Variants in ECRG4 observed in about 807,000 individuals in gnomAD.
The protein encoded by ECRG4 is augurin.
A neutral mutation model predicts 15.8 loss-of-function variants in ECRG4; 18 were observed. The ratio of observed to expected loss-of-function variants is 1.14; its 90% CI spans 0.79 to 1.69. ECRG4 has a LOEUF of 1.69. Among genes scored for constraint, ECRG4 ranks in the 40% most tolerant of loss-of-function variants. The pLI is 0.00. For synonymous variants in ECRG4, 82 were observed against 73.9 expected (o/e 1.11, Z -0.56); for missense variants, 200 against 190.9 (o/e 1.05, Z -0.28).
At chr2:106,075,701 A>G (rs10183310) in intron 3 of ECRG4, among the ~76,000 whole-genome samples, 3,685 of 152,100 alleles carry the variant, frequency 0.024, 160 homozygotes, top group African/African-American at 0.082. Flanking sequence ...CAGCCTGGGC[A>G]ACAGAATGAG....
chr2:106,069,211 T>G (rs1051864186), intron 1 of ECRG4, among the ~76,000 whole-genome samples: 1 of 146,046 alleles, frequency 6.8e-6, no homozygotes. Flanking sequence ...TTTTTTATTT[T>G]CTTTTCTTTC....
intron 1 of ECRG4, among the ~76,000 whole-genome samples, chr2:106,067,064 G>GGA (rs1553411470): frequency 0.051 from 2,203 of 43,578 alleles, 382 homozygotes; most frequent in East Asian, 0.25. Context: ...GAGGCCGGGG[G>GGA]GGGGGGGGGG....
chr2:106,069,317 C>T (rs1676307871), intron 1 of ECRG4, among the ~76,000 whole-genome samples: 2 of 132,592 alleles, frequency 1.5e-5, no homozygotes, highest in Admixed American at 1.6e-4. Context: ...TTCCTTCTTT[C>T]TTTCTCTCTC....
At chr2:106,072,833 C>A (rs901057151) in intron 2 of ECRG4, among the ~76,000 whole-genome samples, 2 of 152,218 alleles carry the variant, frequency 1.3e-5, no homozygotes, top group African/African-American at 2.4e-5. Context: ...CTCACGGATG[C>A]CCAGGGATCA....
At chr2:106,073,254 C>T (rs555932583) in intron 2 of ECRG4, among the ~76,000 whole-genome samples, 2 of 152,280 alleles carry the variant, frequency 1.3e-5, no homozygotes, top group South Asian at 4.1e-4. Flanking sequence ...GATGGAAAGA[C>T]GTTAGCAGCA....
rs921170069 is a variant in ECRG4, at chr2:106,065,775, C to G, written c.11C>G (p.Ser4Cys). 6.7e-6 allele frequency: 10 copies of G among 1,482,840 alleles called. No individual in the cohort carries two copies. The East Asian group carries it at 1.2e-4, about 17-fold the overall frequency. 91.9% of individuals were successfully genotyped at this position (1,482,840 alleles called of 1,614,324 possible). A position where few individuals can be genotyped will look rare whatever the true frequency, so the allele number is the denominator to read the frequency against. Residue 4 changes from serine (S) to cysteine (C), a missense_variant, in exon 1 of 4, where the codon TCC becomes TGC. By Grantham distance (112) the Ser-to-Cys change is moderately radical. Transcript: ENST00000238044. ...TCGCGCCCCGCCGCCATGGCTGCCT[C>G]CCCCGCGCGGCCTGCTGTCCTGGCC... MAA[S>C]PARPAVLALT...
At chr2:106,071,804 A>T (rs1676378019) in intron 1 of ECRG4, 40 bp from the exon 2 acceptor site, 9 of 1,550,214 alleles carry the variant, frequency 5.8e-6, no homozygotes, top group Non-Finnish European at 6.2e-6. Flanking sequence ...TGAAGGGAGC[A>T]GTATAACTCT....
chr2:106,065,478 C>T (rs1676187846), upstream of ECRG4, among the ~76,000 whole-genome samples: 1 of 152,168 alleles, frequency 6.6e-6, no homozygotes, highest in Admixed American at 6.5e-5. Flanking sequence ...CCCCCGCCGC[C>T]GGCGGTTCTC....
intron 3 of ECRG4, among the ~76,000 whole-genome samples, chr2:106,077,000 T>C (rs1676501655): frequency 6.6e-6 from 1 of 152,218 alleles, no homozygotes; most frequent in Non-Finnish European, 1.5e-5. Context: ...CCAAGATCAG[T>C]TGCCCAAACC....
At chr2:106,074,521 T>C (rs1179921347) in intron 3 of ECRG4, among the ~76,000 whole-genome samples, 1 of 152,126 alleles carries the variant, frequency 6.6e-6, no homozygotes, top group African/African-American at 2.4e-5. Context: ...TGGGGAAAAT[T>C]TGTCAATGCA....
At chr2:106,073,667 C>T (rs1676418213) in intron 2 of ECRG4, among the ~76,000 whole-genome samples, 1 of 152,124 alleles carries the variant, frequency 6.6e-6, no homozygotes, top group Non-Finnish European at 1.5e-5. Flanking sequence ...TAGTCCATGC[C>T]CCTTTATAGG....
intron 1 of ECRG4, 58 bp downstream of exon 1, chr2:106,065,901 C>T: frequency 2.9e-6 from 4 of 1,397,616 alleles, no homozygotes; most frequent in South Asian, 1.4e-5. Context: ...CCCCATGTGG[C>T]GCTTCCATGG....
At chr2:106,077,565 G>A (rs925045707) in intron 3 of ECRG4, among the ~76,000 whole-genome samples, 200 bp from the exon 4 acceptor site, 1 of 152,192 alleles carries the variant, frequency 6.6e-6, no homozygotes, top group African/African-American at 2.4e-5. Flanking sequence ...GCACTCCTTT[G>A]GGAAAAGATA....
Position 106,071,870 on chromosome 2 carries a change from C to T in ECRG4, c.106C>T (p.Leu36=), listed in dbSNP as rs773992371. 1 of 1,613,650 alleles carries T rather than the reference C, an allele frequency of 6.2e-7. No homozygotes were observed. The highest frequency in any genetic ancestry group is 1.7e-5 in the Admixed American group (1 of 60,010). ...TGGCATAAGTGGAAATAAACTCAAGCTGATGCTTCAAAAACGAGAAGGTAA... is the reference window on the plus strand; with the variant it reads ...TGGCATAAGTGGAAATAAACTCAAGTTGATGCTTCAAAAACGAGAAGGTAA... ...PGGISGNKLK[L]MLQKREAPVP... is the part of the protein sequence containing the mutation. Residue 36 remains leucine, a synonymous_variant, in exon 2 of 4, where the codon CTG becomes TTG. Coordinates refer to ENST00000238044, the MANE Select transcript of ECRG4 (RefSeq NM_032411.3).
At chr2:106,069,208 T>C (rs550716465) in intron 1 of ECRG4, among the ~76,000 whole-genome samples, 23 of 145,988 alleles carry the variant, frequency 1.6e-4, no homozygotes, top group Non-Finnish European at 3.0e-4. Context: ...TTCTTTTTTA[T>C]TTTCTTTTCT....
chr2:106,065,794 C>A lies in ECRG4; in HGVS notation c.30C>A (p.Val10=). The A allele has an allele frequency of 6.7e-7, 1 of 1,488,978 alleles. No individual in the cohort carries two copies. The highest frequency in any genetic ancestry group is 2.9e-5 in the East Asian group (1 of 34,438). 92.2% of individuals were successfully genotyped at this position (1,488,978 alleles called of 1,614,324 possible). The change falls in exon 1 of 4, where the codon GTC becomes GTA. Residue 10 remains valine (V), a synonymous_variant. Coordinates refer to ENST00000238044, the MANE Select transcript of ECRG4 (RefSeq NM_032411.3). The part of the protein sequence containing the change: MAASPARPA[V]LALTGLALLL... ...CTGCCTCCCCCGCGCGGCCTGCTGT[C>A]CTGGCCCTGACCGGGCTGGCGCTGC... is the stretch of plus-strand genomic sequence containing the variant.
chr2:106,073,280 G>A (rs66989638), intron 2 of ECRG4, among the ~76,000 whole-genome samples: 14,376 of 152,224 alleles, frequency 0.094, 884 homozygotes, highest in Non-Finnish European at 0.13. Context: ...GTGAGGGTGC[G>A]GGTCAGTATC....
chr2:106,074,571 G>C (rs1234886217), intron 3 of ECRG4, among the ~76,000 whole-genome samples: 1 of 152,218 alleles, frequency 6.6e-6, no homozygotes, highest in African/African-American at 2.4e-5. Flanking sequence ...GCGCCTAGAT[G>C]GCATTGGTGG....
chr2:106,074,183 CT>C (rs1211306539), intron 3 of ECRG4, 140 bp downstream of exon 3: 1 of 905,774 alleles, frequency 1.1e-6, no homozygotes, highest in African/African-American at 1.7e-5. Flanking sequence ...ATGCCAAGTG[CT>C]ATCAGGCACT....
Sources: gnomAD v4.1 joint callset for allele counts (sites outside exome capture counted in the v4.1 genomes callset) on GRCh38, gnomAD v4.1.1 for gene constraint, MANE v1.5 for transcripts, NCBI Gene and HGNC (gene_info 2026-07-23, HGNC 2026-07-21) for gene names.